The following BRI3BP variants were observed in gnomAD, a reference collection of about 807,000 sequenced individuals.
BRI3BP encodes BRI3-binding protein.
In BRI3BP, 7 loss-of-function variants were observed where a neutral mutation model predicts 15.8. The ratio of observed to expected loss-of-function variants is 0.44; its 90% confidence interval spans 0.25 to 0.83. The LOEUF (loss-of-function observed/expected upper bound fraction) is 0.83, where lower values mean the gene tolerates loss of function less well. Ranked by LOEUF, BRI3BP falls within the 40% of genes least tolerant of loss-of-function variation. The pLI, the probability that BRI3BP is intolerant of heterozygous loss-of-function variation, is 0.20. For synonymous variants in BRI3BP, 192 were observed against 163.5 expected, an observed-to-expected ratio of 1.17 and a Z score of -1.33; for missense variants, 320 against 339.3, an observed-to-expected ratio of 0.94 and a Z score of 0.45.
chr12:125,040,048 G>T, the BRI3BP span, among the ~76,000 whole-genome samples: 1 of 152,148 alleles, frequency 6.6e-6, no homozygotes, highest in African/African-American at 2.4e-5. Context: ...CGGATCACAA[G>T]GTCAAGAGAT....
At position 125,028,816 on chromosome 12, in the gene BRI3BP, C is replaced by T. The variant is rs1451555132; in HGVS notation, c.*3386C>T. 9 of 152,150 alleles carry T rather than the reference C, an allele frequency of 5.9e-5. No individual in the cohort carries two copies. The highest frequency in any genetic ancestry group is 2.2e-4 in the African/African-American group (9 of 41,430). 9.4% of individuals were successfully genotyped at this position (152,150 alleles called of 1,614,324 possible). A position where few individuals can be genotyped will look rare whatever the true frequency, so the allele number is the denominator to read the frequency against. ...AGGGTGTTGGGATTGGGCCTCCCCT[C>T]GCCACCCGCCACATGTCTTTGTTTT... On this transcript the variant is annotated 3_prime_UTR_variant, in exon 3 of 3. Coordinates refer to ENST00000341446, the MANE Select transcript of BRI3BP (RefSeq NM_080626.6).
intron 2 of BRI3BP, among the ~76,000 whole-genome samples, chr12:125,024,266 C>A (rs978429503): frequency 2.1e-5 from 3 of 140,906 alleles, no homozygotes; most frequent in Non-Finnish European, 4.7e-5. Context: ...AAACCCCCCC[C>A]CCTCCACTGT....
intron 1 of BRI3BP, among the ~76,000 whole-genome samples, chr12:125,009,899 C>T (rs575994652): frequency 1.0e-3 from 159 of 152,140 alleles, no homozygotes; most frequent in African/African-American, 3.7e-3. Context: ...GTCAGCAGTT[C>T]GAGACCAGCC....
At position 125,025,119 on chromosome 12, in the gene BRI3BP, G is replaced by A. The variant is rs200627841; in HGVS notation, c.445G>A (p.Val149Ile). 1.8e-4 allele frequency: 292 copies of A among 1,613,890 alleles called. 1 individual carries two copies. The highest frequency in any genetic ancestry group is 2.2e-4 in the Admixed American group (13 of 59,988). ...LSLTLGFTFSVLHVVFGRFFW... is the reference protein window; with the variant it reads ...LSLTLGFTFSILHVVFGRFFW... ...CCTGACCCTGGGCTTCACTTTCAGCGTCCTGCACGTGGTGTTCGGCCGCTT... is the reference window on the plus strand; with the variant it reads ...CCTGACCCTGGGCTTCACTTTCAGCATCCTGCACGTGGTGTTCGGCCGCTT... Residue 149 changes from valine (V) to isoleucine (I), a missense_variant, in exon 3 of 3, where the codon GTC becomes ATC. Val to Ile is a conservative substitution (Grantham distance 29). Coordinates refer to ENST00000341446, the MANE Select transcript of BRI3BP (RefSeq NM_080626.6).
intron 1 of BRI3BP, among the ~76,000 whole-genome samples, chr12:125,012,095 G>T (rs1594532658): frequency 6.6e-6 from 1 of 152,252 alleles, no homozygotes; most frequent in East Asian, 1.9e-4. Context: ...GCTAAGGCAG[G>T]ATTGCTTGAG....
the BRI3BP span, among the ~76,000 whole-genome samples, chr12:125,047,623 GC>G: frequency 6.6e-6 from 1 of 151,852 alleles, no homozygotes; most frequent in Non-Finnish European, 1.5e-5. Context: ...TGATCCGCCT[GC>G]CTCGGCCTCT....
chr12:125,047,468 C>T, the BRI3BP span, among the ~76,000 whole-genome samples: 114 of 151,896 alleles, frequency 7.5e-4, no homozygotes, highest in Non-Finnish European at 5.7e-4. Context: ...CCACCGCACC[C>T]GGCCTTTTTT....
intron 2 of BRI3BP, among the ~76,000 whole-genome samples, chr12:125,022,987 CTAGT>C (rs1004400695): frequency 6.6e-6 from 1 of 152,052 alleles, no homozygotes; most frequent in African/African-American, 2.4e-5. Flanking sequence ...ATTGTTCAGT[CTAGT>C]TGGTTTCAAA....
At chr12:125,024,258 A>ACCCCCCCC (rs67780786) in intron 2 of BRI3BP, among the ~76,000 whole-genome samples, 4 of 134,946 alleles carry the variant, frequency 3.0e-5, no homozygotes, top group Admixed American at 7.4e-5. Context: ...ATCTCATGAA[A>ACCCCCCCC]CCCCCCCCCC....
At chr12:124,999,684 T>G (rs796938025) in intron 1 of BRI3BP, among the ~76,000 whole-genome samples, 2 of 149,894 alleles carry the variant, frequency 1.3e-5, no homozygotes, top group Admixed American at 1.3e-4. Context: ...GTGGCGCAAT[T>G]TCGGCTCACT....
rs373854350 is a variant in BRI3BP at position 124,993,985 on chromosome 12, C to T, written c.195C>T (p.Asn65=). The change falls in exon 1 of 3, where the codon AAC becomes AAT. Residue 65 remains asparagine (N), a synonymous_variant. Coordinates refer to ENST00000341446, the MANE Select transcript of BRI3BP (RefSeq NM_080626.6). ...TCAGCAGCCTGTTCGGCGAGGACAA[C>T]GTGCGCGCCGCTCAGAAGGTGGGCG... ...QSVSSLFGED[N]VRAAQKFLAR... 4.0e-4 allele frequency: 538 copies of T among 1,350,430 alleles called. 1 individual carries two copies. In the African/African-American group the frequency reaches 7.1e-3, roughly 18 times the overall value. 83.7% of individuals were successfully genotyped at this position (1,350,430 alleles called of 1,614,324 possible).
the BRI3BP span, among the ~76,000 whole-genome samples, chr12:125,043,069 TA>T: frequency 8.6e-4 from 128 of 148,314 alleles, 1 homozygote; most frequent in African/African-American, 2.4e-3. Flanking sequence ...CTTGATGGGT[TA>T]AAAAAAAAAA....
intron 2 of BRI3BP, among the ~76,000 whole-genome samples, chr12:125,022,541 A>ATTTATTTATTT: frequency 4.3e-5 from 6 of 139,432 alleles, no homozygotes; most frequent in African/African-American, 1.7e-4. Context: ...TTATTTATTT[A>ATTTATTTATTT]TTTTTTGAGA....
In BRI3BP at chr12:125,025,890, G is replaced by A. The variant is rs1342888490; in HGVS notation, c.*460G>A. 6.5e-6 allele frequency: 1 copy of A among 154,066 alleles called. No individual in the cohort carries two copies. Among genetic ancestry groups the A allele is most frequent in the African/African-American group, 2.4e-5 (1 of 41,444 alleles). 9.5% of individuals were successfully genotyped at this position (154,066 alleles called of 1,614,324 possible). ...GCGAGCGTTTGTTTTCACAGCTTAG[G>A]GATTGGTGGGTGAGGTCTGTGTGCG... On this transcript the variant is annotated 3_prime_UTR_variant, in exon 3 of 3. Transcript: ENST00000341446.
chr12:125,046,144 A>C, the BRI3BP span, among the ~76,000 whole-genome samples: 56 of 152,170 alleles, frequency 3.7e-4, no homozygotes, highest in South Asian at 6.2e-4. Context: ...AGCCTGAGGG[A>C]CAAGAATGAG....
At position 125,026,966 on chromosome 12, in the gene BRI3BP, A is replaced by AG. The variant is rs1387832969; in HGVS notation, c.*1536_*1537insG. 6.6e-6 allele frequency: 1 copy of AG among 151,594 alleles called. No homozygotes were observed. The highest frequency in any genetic ancestry group is 1.9e-4 in the East Asian group (1 of 5,146). 9.4% of individuals were successfully genotyped at this position (151,594 alleles called of 1,614,324 possible). ...GACTTCATCTTAAAAAAAAAAAAAA[A>AG]AGCCCAGCATTTTGCAGCTTTGAAG... On this transcript the variant is annotated 3_prime_UTR_variant, in exon 3 of 3. Coordinates refer to ENST00000341446, the MANE Select transcript of BRI3BP (RefSeq NM_080626.6).
intron 1 of BRI3BP, among the ~76,000 whole-genome samples, chr12:125,006,729 C>T (rs987958783): frequency 6.6e-6 from 1 of 152,218 alleles, no homozygotes; most frequent in Non-Finnish European, 1.5e-5. Flanking sequence ...ATTTCTCCCA[C>T]AGCAGAGAAA....
chr12:125,015,366 G>A (rs980839424), intron 2 of BRI3BP, among the ~76,000 whole-genome samples: 6 of 152,082 alleles, frequency 3.9e-5, no homozygotes, highest in Admixed American at 6.6e-5. Context: ...CTGGAGGGAC[G>A]GAGCCACAAG....
chr12:125,046,807 C>T, the BRI3BP span, among the ~76,000 whole-genome samples: 4 of 152,214 alleles, frequency 2.6e-5, no homozygotes, highest in African/African-American at 9.7e-5. Context: ...AAAGGTCTCA[C>T]ATAAACTTTA....
Sources: gnomAD v4.1 joint callset for allele counts (sites outside exome capture counted in the v4.1 genomes callset) on GRCh38, gnomAD v4.1.1 for gene constraint, MANE v1.5 for transcripts, NCBI Gene and HGNC (gene_info 2026-07-23, HGNC 2026-07-21) for gene names.